Variants in RFX7 observed in about 807,000 individuals in gnomAD.
The protein encoded by RFX7 is regulatory factor X7.
A neutral mutation model predicts 111.8 loss-of-function variants in RFX7; 26 were observed. That is an observed-to-expected ratio of 0.23 (90% CI 0.17 to 0.32). The LOEUF is 0.32. RFX7 is among the 10% of genes least tolerant of loss of function. The pLI, the probability that RFX7 is intolerant of heterozygous loss-of-function variation, is 1.00. For missense variants in RFX7, 1,573 were observed against 1,772.9 expected (o/e 0.89, Z 2.02); for synonymous variants, 624 against 624.4 (o/e 1.00, Z 0.01).
At chr15:56,135,179 G>A (rs1383450856) in intron 5 of RFX7, among the ~76,000 whole-genome samples, 21 of 152,134 alleles carry the variant, frequency 1.4e-4, no homozygotes, top group Non-Finnish European at 2.5e-4. Flanking sequence ...AGATCCCTGA[G>A]GAATCGCCAT....
intron 2 of RFX7, among the ~76,000 whole-genome samples, chr15:56,229,092 GAT>G (rs1238934106): frequency 6.6e-6 from 1 of 152,150 alleles, no homozygotes; most frequent in Non-Finnish European, 1.5e-5. Context: ...ACACTACTCA[GAT>G]TAGGGAGCAA....
At chr15:56,178,047 T>C (rs1238397182) in intron 3 of RFX7, among the ~76,000 whole-genome samples, 1 of 151,884 alleles carries the variant, frequency 6.6e-6, no homozygotes, top group Admixed American at 6.6e-5. Context: ...ATAATTTTAA[T>C]AATTTTTTGA....
At chr15:56,101,099 A>G (rs1206226829) in intron 8 of RFX7, among the ~76,000 whole-genome samples, 1 of 152,222 alleles carries the variant, frequency 6.6e-6, no homozygotes, top group East Asian at 1.9e-4. Flanking sequence ...GGAAAAATTA[A>G]TAACATATCA....
intron 5 of RFX7, among the ~76,000 whole-genome samples, chr15:56,127,563 T>TC (rs1357565899): frequency 6.6e-6 from 1 of 151,384 alleles, no homozygotes; most frequent in Admixed American, 6.6e-5. Context: ...TTTTTTTTTT[T>TC]TTGAGACGGA....
At chr15:56,165,692 C>A (rs1268425664) in intron 3 of RFX7, among the ~76,000 whole-genome samples, 1 of 152,088 alleles carries the variant, frequency 6.6e-6, no homozygotes, top group South Asian at 2.1e-4. Flanking sequence ...AGATGCTTTA[C>A]TAGGGTATGC....
chr15:56,132,738 CATTT>C (rs1162427510), intron 5 of RFX7, among the ~76,000 whole-genome samples: 1 of 151,984 alleles, frequency 6.6e-6, no homozygotes, highest in Non-Finnish European at 1.5e-5. Context: ...TCTTGAAAAA[CATTT>C]ATGTTTTAAT....
At chr15:56,174,778 A>AT in intron 3 of RFX7, among the ~76,000 whole-genome samples, 1 of 152,228 alleles carries the variant, frequency 6.6e-6, no homozygotes, top group South Asian at 2.1e-4. Flanking sequence ...AGTAACTATG[A>AT]TTTTAAAAAA....
chr15:56,107,296 CAAAAAAAAAAAAA>C (rs56077181), intron 5 of RFX7, among the ~76,000 whole-genome samples: 3 of 32,146 alleles, frequency 9.3e-5, no homozygotes, highest in Non-Finnish European at 1.7e-4. Context: ...GACTCCGTCT[CAAAAAAAAAAAAA>C]AAAAAAAAAA....
At chr15:56,147,481 C>A (rs1028936275) in intron 3 of RFX7, among the ~76,000 whole-genome samples, 1 of 152,114 alleles carries the variant, frequency 6.6e-6, no homozygotes, top group Admixed American at 6.5e-5. Context: ...GGTTTTGAAA[C>A]TAGATTCAGA....
rs756141284 is a variant in RFX7, at chr15:56,096,452, G to T, written c.1276C>A (p.Arg426=). ...GGTAAGATCTGAGGGTAACGGTGCC[G>T]GGCAGAACGATCCCCACCAGGACTG... The part of the protein sequence containing the change: ...PASPGGDRSA[R]HRYPQILPKP... The change falls in exon 10 of 10, where the codon CGG becomes AGG. Residue 426 remains arginine (R), a synonymous_variant. Transcript: ENST00000559447. 2 of 1,612,252 alleles carry T rather than the reference G, an allele frequency of 1.2e-6. No homozygotes were observed. The highest frequency in any genetic ancestry group is 2.2e-5 in the East Asian group (1 of 44,838).
intron 5 of RFX7, among the ~76,000 whole-genome samples, chr15:56,110,169 G>C (rs1427083122): frequency 1.5e-5 from 2 of 129,048 alleles, no homozygotes; most frequent in Non-Finnish European, 3.4e-5. Flanking sequence ...CTGGCCAGCC[G>C]CCCCGTCCAG....
At chr15:56,130,834 T>A (rs1005987494) in intron 5 of RFX7, among the ~76,000 whole-genome samples, 8 of 151,908 alleles carry the variant, frequency 5.3e-5, no homozygotes, top group Non-Finnish European at 7.4e-5. Context: ...TATAAGAAGA[T>A]ACAAAAGATA....
Position 56,172,094 on chromosome 15 carries a change from G to C in RFX7, c.195+7176C>G, listed in dbSNP as rs1423345248. ...ACCAAACTGGGGGGATGAGGGGGTA[G>C]TGTGTGTATGGAAATGGTCAACAGA... On this transcript the variant is annotated intron_variant, in intron 3 of 9. Coordinates refer to ENST00000559447, the MANE Select transcript of RFX7 (RefSeq NM_022841.7). Among the ~76,000 whole-genome samples the C allele has an allele frequency of 6.6e-5, 10 of 152,150 alleles. No homozygotes were observed. In the East Asian group the frequency reaches 1.9e-3, roughly 29 times the overall value.
chr15:56,142,940 A>G (rs148088189), intron 4 of RFX7, 40 bp from the exon 5 acceptor site: 102 of 1,607,878 alleles, frequency 6.3e-5, no homozygotes, highest in Non-Finnish European at 8.2e-5. Flanking sequence ...CCAGACAGCA[A>G]TTCATTAACG....
intron 2 of RFX7, among the ~76,000 whole-genome samples, chr15:56,197,756 A>G (rs2043158927): frequency 6.6e-6 from 1 of 152,148 alleles, no homozygotes; most frequent in African/African-American, 2.4e-5. Flanking sequence ...GATACAAACT[A>G]TATATTTGAA....
chr15:56,108,472 C>A (rs895537635), intron 5 of RFX7, among the ~76,000 whole-genome samples: 3 of 152,160 alleles, frequency 2.0e-5, no homozygotes, highest in African/African-American at 4.8e-5. Context: ...TCAATAAATG[C>A]AGAAAAGGCC....
At chr15:56,111,258 T>C (rs1595933574) in intron 5 of RFX7, among the ~76,000 whole-genome samples, 1 of 150,336 alleles carries the variant, frequency 6.7e-6, no homozygotes, top group Non-Finnish European at 1.5e-5. Context: ...CGTGTCTGTG[T>C]AGAAAGAGGT....
chr15:56,215,447 A>G (rs2043354314), intron 2 of RFX7, among the ~76,000 whole-genome samples: 1 of 152,220 alleles, frequency 6.6e-6, no homozygotes, highest in African/African-American at 2.4e-5. Context: ...ATCAATTTAG[A>G]TAATCAAATA....
At chr15:56,146,348 C>A (rs1411228538) in intron 3 of RFX7, among the ~76,000 whole-genome samples, 1 of 152,106 alleles carries the variant, frequency 6.6e-6, no homozygotes, top group African/African-American at 2.4e-5. Context: ...TCAAGTGATC[C>A]TCCTGCCTCC....
Sources: gnomAD v4.1 joint callset for allele counts (sites outside exome capture counted in the v4.1 genomes callset) on GRCh38, gnomAD v4.1.1 for gene constraint, MANE v1.5 for transcripts, NCBI Gene and HGNC (gene_info 2026-07-23, HGNC 2026-07-21) for gene names.